PHF21B: variants seen among roughly 807,000 people sequenced by gnomAD.
The protein encoded by PHF21B is PHD finger protein 21B, also known as PHD finger protein 4.
PHF21B carries 22 observed loss-of-function variants against 62.2 expected under a neutral mutation model. The observed-to-expected ratio is 0.35, with a 90% CI of 0.25 to 0.51. PHF21B has a LOEUF of 0.51. PHF21B is among the 20% of genes least tolerant of loss of function. The pLI, the probability that PHF21B is intolerant of heterozygous loss-of-function variation, is 0.97. For synonymous variants in PHF21B, 341 were observed against 314.7 expected, an observed-to-expected ratio of 1.08 and a Z score of -0.88; for missense variants, 701 against 707.9, an observed-to-expected ratio of 0.99 and a Z score of 0.11.
At chr22:44,930,203 A>G (rs894908412) in intron 2 of PHF21B, among the ~76,000 whole-genome samples, 105 of 152,222 alleles carry the variant, frequency 6.9e-4, no homozygotes, top group African/African-American at 2.5e-3. Flanking sequence ...ATAAACGCAC[A>G]CAGCCAGGGC....
At chr22:44,911,545 G>A (rs1423469986) in intron 5 of PHF21B, among the ~76,000 whole-genome samples, 4 of 152,232 alleles carry the variant, frequency 2.6e-5, no homozygotes, top group African/African-American at 9.6e-5. Context: ...CCCTCAGCCT[G>A]TTGCTTCAGA....
chr22:44,896,177 A>G, intron 5 of PHF21B, 94 bp from the exon 6 acceptor site: 2 of 1,386,418 alleles, frequency 1.4e-6, no homozygotes, highest in South Asian at 2.3e-5. Context: ...GCAGGGCGAT[A>G]CCTCATGGGT....
intron 2 of PHF21B, among the ~76,000 whole-genome samples, chr22:44,946,645 G>A (rs930760979): frequency 6.6e-5 from 10 of 152,096 alleles, no homozygotes; most frequent in African/African-American, 2.2e-4. Flanking sequence ...ATGGATGGGT[G>A]GATGGACGGT....
intron 6 of PHF21B, among the ~76,000 whole-genome samples, chr22:44,893,940 G>A (rs1034200066): frequency 6.6e-6 from 1 of 152,256 alleles, no homozygotes; most frequent in African/African-American, 2.4e-5. Flanking sequence ...AAGCCCAGGA[G>A]CAAGCCTCTA....
chr22:44,899,285 C>CTTT (rs71188499), intron 5 of PHF21B, among the ~76,000 whole-genome samples: 81 of 97,542 alleles, frequency 8.3e-4, no homozygotes, highest in African/African-American at 1.4e-3. Flanking sequence ...TGTTCTTATT[C>CTTT]TTTTTTTTTT....
intron 2 of PHF21B, among the ~76,000 whole-genome samples, chr22:45,004,697 C>T (rs1488810938): frequency 6.6e-6 from 1 of 152,180 alleles, no homozygotes; most frequent in Non-Finnish European, 1.5e-5. Context: ...CTGTGGATAA[C>T]CCCCCAGCTT....
At chr22:44,893,586 C>T in intron 6 of PHF21B, 53 bp from the exon 7 acceptor site, 1 of 1,526,312 alleles carries the variant, frequency 6.6e-7, no homozygotes, top group Non-Finnish European at 8.9e-7. Flanking sequence ...CTGGGAACCC[C>T]AAATGCTTCC....
intron 2 of PHF21B, among the ~76,000 whole-genome samples, chr22:44,925,875 C>T (rs2071619573): frequency 1.3e-5 from 2 of 152,224 alleles, no homozygotes; most frequent in Non-Finnish European, 2.9e-5. Context: ...CCCTGGCCTG[C>T]CAGCCAGTGC....
chr22:44,958,141 G>T (rs987441110), intron 2 of PHF21B, among the ~76,000 whole-genome samples: 1 of 152,186 alleles, frequency 6.6e-6, no homozygotes, highest in Non-Finnish European at 1.5e-5. Flanking sequence ...GACCTCAGGT[G>T]ATCTGCCCAC....
Position 44,977,169 on chromosome 22 carries a change from T to C in PHF21B, c.120+31376A>G, listed in dbSNP as rs565507869. ...AAGAAAGGAAAAAATAAAATAAATA[T>C]TCACTTTGAAATCCTCCACTCGCTA... On this transcript the variant is annotated intron_variant, in intron 2 of 12. Coordinates refer to ENST00000313237, the MANE Select transcript of PHF21B (RefSeq NM_138415.5). Among the ~76,000 whole-genome samples the C allele has an allele frequency of 1.1e-4, 17 of 152,196 alleles. No individual in the cohort carries two copies. The South Asian group carries it at 2.7e-3, about 24-fold the overall frequency.
At chr22:44,891,994 C>G (rs1346105164) in intron 7 of PHF21B, among the ~76,000 whole-genome samples, 2 of 152,202 alleles carry the variant, frequency 1.3e-5, no homozygotes, top group African/African-American at 4.8e-5. Flanking sequence ...CCCCCTCGGG[C>G]TGTGTGCCTG....
intron 2 of PHF21B, among the ~76,000 whole-genome samples, chr22:44,930,836 G>C (rs989730693): frequency 1.3e-5 from 2 of 152,250 alleles, no homozygotes; most frequent in Non-Finnish European, 2.9e-5. Context: ...CCGAGGTACT[G>C]AGGCCTGTTT....
chr22:44,897,069 G>C (rs1467732904), intron 5 of PHF21B, among the ~76,000 whole-genome samples: 2 of 151,962 alleles, frequency 1.3e-5, no homozygotes, highest in African/African-American at 4.8e-5. Context: ...TGAAGAGATG[G>C]AGTTTTGCCA....
chr22:44,976,399 A>G (rs145510355), intron 2 of PHF21B, among the ~76,000 whole-genome samples: 110 of 152,358 alleles, frequency 7.2e-4, no homozygotes, highest in African/African-American at 2.3e-3. Context: ...CTGCTGTGCA[A>G]TGGAACACCA....
intron 2 of PHF21B, among the ~76,000 whole-genome samples, chr22:44,999,366 GA>G (rs1236759405): frequency 6.6e-6 from 1 of 152,130 alleles, no homozygotes; most frequent in Non-Finnish European, 1.5e-5. Flanking sequence ...CCCCAGCTGC[GA>G]AGGGCTTGGC....
intron 2 of PHF21B, among the ~76,000 whole-genome samples, chr22:44,945,338 T>G (rs2072045659): frequency 6.6e-6 from 1 of 152,124 alleles, no homozygotes; most frequent in Non-Finnish European, 1.5e-5. Flanking sequence ...AATGGGGCGA[T>G]TTAACTCCGT....
intron 2 of PHF21B, among the ~76,000 whole-genome samples, chr22:44,965,744 A>G (rs1368614583): frequency 6.6e-6 from 1 of 152,200 alleles, no homozygotes; most frequent in Non-Finnish European, 1.5e-5. Context: ...CTGGCTGGGA[A>G]GTCAGACTGC....
chr22:44,949,805 G>C (rs1399181091), intron 2 of PHF21B, among the ~76,000 whole-genome samples: 1 of 152,180 alleles, frequency 6.6e-6, no homozygotes, highest in Non-Finnish European at 1.5e-5. Flanking sequence ...TGCTGTGGCT[G>C]ATCATTTCAA....
intron 2 of PHF21B, among the ~76,000 whole-genome samples, chr22:44,992,359 C>T (rs2073055148): frequency 6.6e-6 from 1 of 152,228 alleles, no homozygotes; most frequent in Admixed American, 6.5e-5. Context: ...AGCGTGGACG[C>T]ACTCAATGCC....
Sources: allele counts gnomAD v4.1 joint callset (sites outside exome capture counted in the v4.1 genomes callset), GRCh38; gene constraint gnomAD v4.1.1; transcripts MANE v1.5; gene names NCBI Gene and HGNC (gene_info 2026-07-23, HGNC 2026-07-21).